The following SSH2 variants were observed in gnomAD, a reference collection of about 807,000 sequenced individuals.
The protein encoded by SSH2 is slingshot protein phosphatase 2.
Under a neutral mutation model 135.2 loss-of-function variants are expected in SSH2, and 37 were observed. That is an observed-to-expected ratio of 0.27 (90% CI 0.21 to 0.36). The LOEUF (loss-of-function observed/expected upper bound fraction) is 0.36. Among genes scored for constraint, SSH2 ranks in the 10% least tolerant of loss-of-function variants. The pLI is 1.00. For missense variants in SSH2, 1,408 were observed against 1,765.3 expected (o/e 0.80, Z 3.63); for synonymous variants, 628 against 646.2 (o/e 0.97, Z 0.43).
At chr17:29,748,920 G>GTTGGTT (rs1164631141) in intron 3 of SSH2, among the ~76,000 whole-genome samples, 1 of 152,060 alleles carries the variant, frequency 6.6e-6, no homozygotes, top group African/African-American at 2.4e-5. Flanking sequence ...ACCAAGCCTA[G>GTTGGTT]CAATATGTTA....
At chr17:29,862,369 G>A (rs550854280) in intron 1 of SSH2, among the ~76,000 whole-genome samples, 80 of 152,312 alleles carry the variant, frequency 5.3e-4, no homozygotes, top group Admixed American at 3.7e-3. Flanking sequence ...TTCAATAAAT[G>A]TTCAATGAAT....
At chr17:29,701,295 T>A (rs949610627) in intron 4 of SSH2, among the ~76,000 whole-genome samples, 1 of 151,872 alleles carries the variant, frequency 6.6e-6, no homozygotes, top group African/African-American at 2.4e-5. Context: ...TTTATAGAGA[T>A]GAGGTTTCGC....
At chr17:29,898,271 C>T (rs1161546375) in intron 1 of SSH2, among the ~76,000 whole-genome samples, 1 of 152,000 alleles carries the variant, frequency 6.6e-6, no homozygotes, top group Non-Finnish European at 1.5e-5. Flanking sequence ...CAAGAAATAA[C>T]TAAGATCAGA....
chr17:29,659,608 C>G (rs182393134), intron 11 of SSH2, among the ~76,000 whole-genome samples: 11 of 152,316 alleles, frequency 7.2e-5, no homozygotes, highest in African/African-American at 2.4e-4. Flanking sequence ...ACTGCAAGCT[C>G]CACCTCCCGG....
intron 2 of SSH2, among the ~76,000 whole-genome samples, chr17:29,811,261 G>T (rs960787793): frequency 6.6e-6 from 1 of 152,036 alleles, no homozygotes; most frequent in South Asian, 2.1e-4. Flanking sequence ...CACCCAAAAT[G>T]CTGGGATTAC....
At chr17:29,756,960 C>T (rs949985616) in intron 3 of SSH2, among the ~76,000 whole-genome samples, 2 of 152,028 alleles carry the variant, frequency 1.3e-5, no homozygotes, top group Non-Finnish European at 2.9e-5. Flanking sequence ...TGGCTTGTTT[C>T]GTGGTTTCTA....
intron 3 of SSH2, among the ~76,000 whole-genome samples, chr17:29,758,951 T>C (rs1253743576): frequency 6.6e-6 from 1 of 152,166 alleles, no homozygotes; most frequent in African/African-American, 2.4e-5. Flanking sequence ...AGTCTCAGTA[T>C]GTTACCCAGG....
intron 3 of SSH2, among the ~76,000 whole-genome samples, chr17:29,747,995 G>A (rs951476629): frequency 1.3e-5 from 2 of 152,086 alleles, no homozygotes; most frequent in African/African-American, 2.4e-5. Context: ...GTAAATATAG[G>A]TGAGCACAAA....
At position 29,851,698 on chromosome 17, in the gene SSH2, CA is replaced by C. The variant is rs904964347; in HGVS notation, c.64-2770del. ...ACATAGTAAGACCCCATCTTCATGA[CA>C]AAAAAAAAATAATAATAATCAGCCA... On this transcript the variant is annotated intron_variant, in intron 1 of 15. Coordinates refer to ENST00000540801, the MANE Select transcript of SSH2 (RefSeq NM_001282129.2). 2.1e-4 allele frequency among the ~76,000 whole-genome samples: 31 copies of C among 149,398 alleles called. 1 individual carries two copies. Among genetic ancestry groups the C allele is most frequent in the African/African-American group, 5.9e-4 (24 of 40,418 alleles).
intron 3 of SSH2, among the ~76,000 whole-genome samples, chr17:29,764,682 T>A (rs2041404035): frequency 6.6e-6 from 1 of 152,256 alleles, no homozygotes; most frequent in Non-Finnish European, 1.5e-5. Flanking sequence ...TGTCATTTGC[T>A]GACCATTTCA....
At position 29,666,946 on chromosome 17, in the gene SSH2, T is replaced by C. The variant is rs527888311; in HGVS notation, c.953A>G (p.Lys318Arg). 7.4e-6 allele frequency: 12 copies of C among 1,614,128 alleles called. No homozygotes were observed. The East Asian group carries it at 2.7e-4, about 36-fold the overall frequency. Residue 318 changes from lysine (K) to arginine (R), a missense_variant, in exon 11 of 16, where the codon AAG becomes AGG. Transcript: ENST00000540801. ...MQMVCNLREFKEFIDNEMIVI... is the reference protein window; with the variant it reads ...MQMVCNLREFREFIDNEMIVI... Reference sequence around the variant, plus strand: ...TATCATTTCATTGTCTATAAATTCCTTGAATTCCCGCAAGTTGCACACCAT... The same window carrying C: ...TATCATTTCATTGTCTATAAATTCCCTGAATTCCCGCAAGTTGCACACCAT...
chr17:29,814,949 C>CTTTT (rs1027393693), intron 2 of SSH2, among the ~76,000 whole-genome samples: 1 of 132,362 alleles, frequency 7.6e-6, no homozygotes, highest in Admixed American at 7.6e-5. Context: ...CCTTTTCTTT[C>CTTTT]TTTTTTTTTT....
chr17:29,894,876 G>A (rs748503690), intron 1 of SSH2, among the ~76,000 whole-genome samples: 2 of 77,740 alleles, frequency 2.6e-5, no homozygotes, highest in Non-Finnish European at 5.5e-5. Flanking sequence ...CTCCACCCCC[G>A]CCCCCCCAAT....
intron 1 of SSH2, among the ~76,000 whole-genome samples, chr17:29,913,351 TATATATATATATATATATA>T (rs2151476821): frequency 4.8e-5 from 1 of 20,658 alleles, no homozygotes; most frequent in East Asian, 1.5e-3. Context: ...AAAAAAAATA[TATATATATATATATATATA>T]TATATATATA....
At position 29,743,296 on chromosome 17, in the gene SSH2, G is replaced by T. The variant is rs560643339; in HGVS notation, c.189-40234C>A. 3.0e-4 allele frequency among the ~76,000 whole-genome samples: 45 copies of T among 152,178 alleles called. 1 individual carries two copies. The highest frequency in any genetic ancestry group is 1.1e-3 in the African/African-American group (44 of 41,502). ...GAGTTCTTTTTTTAAATGCCTAGGG[G>T]ATTCTCCATTTGGAAATTTCTCCTG... On this transcript the variant is annotated intron_variant, in intron 3 of 15. Transcript: ENST00000540801.
intron 1 of SSH2, among the ~76,000 whole-genome samples, chr17:29,908,595 C>G (rs568531073): frequency 5.9e-5 from 9 of 151,886 alleles, no homozygotes; most frequent in African/African-American, 2.2e-4. Flanking sequence ...TGAACCCCGT[C>G]TCTACTAAAA....
intron 1 of SSH2, among the ~76,000 whole-genome samples, chr17:29,856,981 A>G (rs150936486): frequency 6.6e-6 from 1 of 152,302 alleles, no homozygotes; most frequent in African/African-American, 2.4e-5. Flanking sequence ...ACATGTCGGA[A>G]TTCAAGATTT....
intron 3 of SSH2, among the ~76,000 whole-genome samples, chr17:29,791,199 C>T (rs529374615): frequency 1.8e-4 from 27 of 152,204 alleles, no homozygotes; most frequent in African/African-American, 6.5e-4. Flanking sequence ...AATTCTCCTG[C>T]CTCAGACACC....
At chr17:29,808,277 C>T (rs1175668152) in intron 2 of SSH2, among the ~76,000 whole-genome samples, 2 of 152,152 alleles carry the variant, frequency 1.3e-5, no homozygotes. Flanking sequence ...TACAGGCGCC[C>T]GCCATCACGC....
Sources: gnomAD v4.1 joint callset for allele counts (sites outside exome capture counted in the v4.1 genomes callset) on GRCh38, gnomAD v4.1.1 for gene constraint, MANE v1.5 for transcripts, NCBI Gene and HGNC (gene_info 2026-07-23, HGNC 2026-07-21) for gene names.